Variants in PGPEP1L observed in about 807,000 individuals in gnomAD.
PGPEP1L encodes pyroglutamyl-peptidase 1-like protein.
In PGPEP1L, 7 loss-of-function variants were observed where a neutral mutation model predicts 6.0. The ratio of observed to expected loss-of-function variants is 1.17; its 90% CI spans 0.66 to 2.19. The LOEUF (loss-of-function observed/expected upper bound fraction) is 2.19, where lower values mean the gene tolerates loss of function less well. Among genes scored for constraint, PGPEP1L ranks in the 30% most tolerant of loss-of-function variants. The pLI, the probability that PGPEP1L is intolerant of heterozygous loss-of-function variation, is 0.00. For synonymous variants in PGPEP1L, 103 were observed against 83.9 expected (o/e 1.23, Z -1.24); for missense variants, 209 against 192.5 (o/e 1.09, Z -0.51).
intron 2 of PGPEP1L, among the ~76,000 whole-genome samples, chr15:98,975,287 A>AC (rs2017551874): frequency 6.6e-6 from 1 of 152,226 alleles, no homozygotes; most frequent in South Asian, 2.1e-4. Flanking sequence ...TCATGGAGGT[A>AC]GAGAATAGAA....
chr15:99,004,695 C>G (rs1224939064), intron 2 of PGPEP1L, among the ~76,000 whole-genome samples: 16 of 152,194 alleles, frequency 1.1e-4, no homozygotes, highest in African/African-American at 3.6e-4. Flanking sequence ...TCTAGCCTAG[C>G]GACAGAACAA....
At chr15:98,974,116 C>T (rs2017535174) in intron 2 of PGPEP1L, among the ~76,000 whole-genome samples, 1 of 152,220 alleles carries the variant, frequency 6.6e-6, no homozygotes, top group Non-Finnish European at 1.5e-5. Context: ...CACAGTGGCT[C>T]ATGGCTGTAA....
intron 2 of PGPEP1L, among the ~76,000 whole-genome samples, chr15:98,991,552 C>T (rs1354986671): frequency 1.3e-5 from 2 of 152,182 alleles, no homozygotes; most frequent in African/African-American, 2.4e-5. Flanking sequence ...GGTACCATTC[C>T]TTCTGAAAGT....
intron 2 of PGPEP1L, among the ~76,000 whole-genome samples, chr15:98,973,855 G>A (rs1277410371): frequency 6.6e-6 from 1 of 152,026 alleles, no homozygotes; most frequent in Non-Finnish European, 1.5e-5. Context: ...AAAGATCAGA[G>A]CAGAAATAAA....
At chr15:98,978,564 C>A (rs1567236275) in intron 2 of PGPEP1L, among the ~76,000 whole-genome samples, 1 of 151,046 alleles carries the variant, frequency 6.6e-6, no homozygotes, top group Non-Finnish European at 1.5e-5. Flanking sequence ...GTTTTTTCCC[C>A]AAAAAAAACT....
chr15:99,005,138 T>C (rs1262434749), intron 2 of PGPEP1L, among the ~76,000 whole-genome samples: 14 of 152,150 alleles, frequency 9.2e-5, no homozygotes, highest in Admixed American at 6.5e-4. Context: ...TCCTCCCTGC[T>C]GGGTTGAAAG....
intron 2 of PGPEP1L, among the ~76,000 whole-genome samples, chr15:98,990,477 C>T (rs1180669942): frequency 1.3e-5 from 2 of 152,112 alleles, no homozygotes; most frequent in African/African-American, 4.8e-5. Context: ...TTCTTGGAGA[C>T]CTACAAAGAG....
At position 98,984,212 on chromosome 15, in the gene PGPEP1L, A is replaced by G. The variant is rs188876477; in HGVS notation, c.-141-13054T>C. On this transcript the variant is annotated intron_variant, in intron 2 of 4. Transcript: ENST00000535714. Reference sequence around the variant, plus strand: ...ATTTTAGCAGAGACAGAGTTTCACCATGTTAGCCAAGATGGTCTCGATCTC... The same window carrying G: ...ATTTTAGCAGAGACAGAGTTTCACCGTGTTAGCCAAGATGGTCTCGATCTC... 3.7e-4 allele frequency among the ~76,000 whole-genome samples: 57 copies of G among 152,028 alleles called. No individual in the cohort carries two copies. The East Asian group carries it at 4.5e-3, about 12-fold the overall frequency.
In PGPEP1L at chr15:98,968,616, C is replaced by T. The variant is rs747165092; in HGVS notation, c.291G>A (p.Ser97=). The part of the protein sequence containing the change: ...CAALIHVPPL[S]RGLPASLLGR... Reference sequence around the variant, plus strand: ...CCAGCAGGCTGGCCGGGAGCCCGCGCGATAGTGGAGGGACATGGATGAGTG... The same window carrying T: ...CCAGCAGGCTGGCCGGGAGCCCGCGTGATAGTGGAGGGACATGGATGAGTG... The change falls in exon 5 of 5, where the codon TCG becomes TCA. Residue 97 remains serine, a synonymous_variant. Coordinates refer to ENST00000535714, the MANE Select transcript of PGPEP1L (RefSeq NM_001167902.2). 6 of 1,605,406 alleles carry T rather than the reference C, an allele frequency of 3.7e-6. No individual in the cohort carries two copies. Among genetic ancestry groups the T allele is most frequent in the South Asian group, 1.1e-5 (1 of 89,214 alleles).
At position 98,991,145 on chromosome 15, in the gene PGPEP1L, C is replaced by A. The variant is rs554955352; in HGVS notation, c.-142+14284G>T. Among the ~76,000 whole-genome samples, 4 of 151,422 alleles carry A rather than the reference C, an allele frequency of 2.6e-5. No homozygotes were observed. In the East Asian group the frequency reaches 5.8e-4, roughly 22 times the overall value. On this transcript the variant is annotated intron_variant, in intron 2 of 4. Coordinates refer to ENST00000535714, the MANE Select transcript of PGPEP1L (RefSeq NM_001167902.2). ...TGAAGGAGATAGAGGCATGAAAAAC[C>A]CTTCAAAAAAAAAATCAATGAATCC... is the stretch of plus-strand genomic sequence containing the variant.
chr15:98,984,798 A>G (rs979951870), intron 2 of PGPEP1L, among the ~76,000 whole-genome samples: 8 of 152,108 alleles, frequency 5.3e-5, no homozygotes, highest in African/African-American at 1.7e-4. Context: ...GAGAGCTTCT[A>G]AAGAGGTTGC....
At chr15:98,986,391 C>T (rs1360610725) in intron 2 of PGPEP1L, among the ~76,000 whole-genome samples, 5 of 152,164 alleles carry the variant, frequency 3.3e-5, no homozygotes, top group African/African-American at 1.2e-4. Flanking sequence ...TCAGTCATGT[C>T]TACATAAGGA....
intron 2 of PGPEP1L, among the ~76,000 whole-genome samples, chr15:98,989,897 G>C (rs1367366631): frequency 6.6e-6 from 1 of 152,068 alleles, no homozygotes; most frequent in Non-Finnish European, 1.5e-5. Flanking sequence ...CATAAGCAAA[G>C]GAGAAATAAA....
At chr15:98,996,724 C>G (rs1463214342) in intron 2 of PGPEP1L, among the ~76,000 whole-genome samples, 1 of 152,064 alleles carries the variant, frequency 6.6e-6, no homozygotes, top group African/African-American at 2.4e-5. Context: ...GTCCTCAGAG[C>G]TGCCCTTTAC....
chr15:98,987,112 GC>G (rs1221282147), intron 2 of PGPEP1L, among the ~76,000 whole-genome samples: 2 of 123,596 alleles, frequency 1.6e-5, no homozygotes, highest in African/African-American at 6.3e-5. Context: ...GTTGCAATGA[GC>G]CAAGATTGTG....
At chr15:99,006,838 T>C (rs781849241) in intron 1 of PGPEP1L, among the ~76,000 whole-genome samples, 2 of 152,142 alleles carry the variant, frequency 1.3e-5, no homozygotes, top group Non-Finnish European at 2.9e-5. Context: ...GAAAATACTT[T>C]TTTCCTGAAG....
rs1555473951 is a variant in PGPEP1L, at chr15:99,007,534, C to G, written c.-545G>C. 2.0e-5 allele frequency: 3 copies of G among 152,192 alleles called. No individual in the cohort carries two copies. The highest frequency in any genetic ancestry group is 7.2e-5 in the African/African-American group (3 of 41,420). The allele number at this position is 152,192 out of a possible 1,614,324, so 9.4% of individuals were successfully genotyped here. Reference sequence around the variant, plus strand: ...TTCTTCCTTCTGGCAGATTCGTGATCTCGCTGACTTCAGGAGTGAAGCTAC... The same window carrying G: ...TTCTTCCTTCTGGCAGATTCGTGATGTCGCTGACTTCAGGAGTGAAGCTAC... On this transcript the variant is annotated 5_prime_UTR_variant, in exon 1 of 5. Transcript: ENST00000535714.
chr15:98,999,116 A>G (rs1345222580), intron 2 of PGPEP1L, among the ~76,000 whole-genome samples: 1 of 152,190 alleles, frequency 6.6e-6, no homozygotes, highest in Non-Finnish European at 1.5e-5. Context: ...TCAAAATTAA[A>G]AACTCTTGCT....
intron 2 of PGPEP1L, among the ~76,000 whole-genome samples, chr15:98,973,483 T>G (rs1278912077): frequency 1.3e-5 from 2 of 152,206 alleles, no homozygotes; most frequent in Non-Finnish European, 2.9e-5. Flanking sequence ...TAACAAATTT[T>G]GAAAAATTAA....
Sources: allele counts gnomAD v4.1 joint callset (sites outside exome capture counted in the v4.1 genomes callset), GRCh38; gene constraint gnomAD v4.1.1; transcripts MANE v1.5; gene names NCBI Gene and HGNC (gene_info 2026-07-23, HGNC 2026-07-21).